The following MTX2 variants were observed in gnomAD, a reference collection of about 807,000 sequenced individuals.
The protein encoded by MTX2 is metaxin 2.
A neutral mutation model predicts 42.3 loss-of-function variants in MTX2; 35 were observed. The ratio of observed to expected loss-of-function variants is 0.83; its 90% CI spans 0.63 to 1.10. The LOEUF (loss-of-function observed/expected upper bound fraction) is 1.10. MTX2 is among the 50% of genes least tolerant of loss of function. MTX2 has a pLI of 0.00. For missense variants in MTX2, 307 were observed against 304.1 expected (o/e 1.01, Z -0.07); for synonymous variants, 119 against 100.9 (o/e 1.18, Z -1.08).
intron 3 of MTX2, among the ~76,000 whole-genome samples, chr2:176,307,722 G>GA (rs1684187824): frequency 6.6e-6 from 1 of 152,068 alleles, no homozygotes; most frequent in Admixed American, 6.6e-5. Flanking sequence ...TGGTGTATAG[G>GA]AATGCTTGTG....
intron 1 of MTX2, among the ~76,000 whole-genome samples, chr2:176,294,021 G>C (rs768484208): frequency 7.9e-5 from 12 of 152,068 alleles, no homozygotes; most frequent in Non-Finnish European, 1.6e-4. Flanking sequence ...TGGATGTTTT[G>C]GTAGAGTTAC....
intron 1 of MTX2, among the ~76,000 whole-genome samples, chr2:176,271,857 A>G (rs758500060): frequency 6.6e-6 from 1 of 152,186 alleles, no homozygotes; most frequent in African/African-American, 2.4e-5. Flanking sequence ...TGTTTTAAAT[A>G]TATGTCAAAT....
intron 4 of MTX2, among the ~76,000 whole-genome samples, chr2:176,324,280 A>AT (rs571984413): frequency 2.0e-5 from 3 of 149,724 alleles, no homozygotes; most frequent in Non-Finnish European, 3.0e-5. Flanking sequence ...CTTGTGTTAA[A>AT]TTTTTTTTTT....
At chr2:176,302,676 G>A (rs1056726968) in intron 3 of MTX2, among the ~76,000 whole-genome samples, 1 of 152,068 alleles carries the variant, frequency 6.6e-6, no homozygotes, top group Non-Finnish European at 1.5e-5. Context: ...GACCTCAAAT[G>A]ATCCACCCAT....
In MTX2 at chr2:176,299,191, T is replaced by C. The variant is rs116795721; in HGVS notation, c.135+1296T>C. On this transcript the variant is annotated intron_variant, in intron 3 of 9. Transcript: ENST00000249442. ...AAGGGTTGAGTGCTATTCTCATCCA[T>C]TGGGTAGATGCCAGAGATGCTGCTA... is the stretch of plus-strand genomic sequence containing the variant. Among the ~76,000 whole-genome samples the C allele has an allele frequency of 8.9e-3, 1,362 of 152,196 alleles. 19 individuals are homozygous for C. The highest frequency in any genetic ancestry group is 0.031 in the African/African-American group (1,278 of 41,536).
intron 3 of MTX2, among the ~76,000 whole-genome samples, chr2:176,320,376 A>G (rs972182211): frequency 3.3e-5 from 5 of 152,174 alleles, no homozygotes; most frequent in Non-Finnish European, 7.3e-5. Context: ...AAAATATACT[A>G]TATTTACTAT....
chr2:176,329,453 C>A, intron 8 of MTX2, 27 bp downstream of exon 8: 1 of 1,585,942 alleles, frequency 6.3e-7, no homozygotes, highest in Non-Finnish European at 8.6e-7. Flanking sequence ...GTTGACAAAA[C>A]CCTCAACTTT....
In MTX2 at chr2:176,269,474, G is replaced by C; in HGVS notation, c.-156G>C. 1 of 770,856 alleles carries C rather than the reference G, an allele frequency of 1.3e-6. No homozygotes were observed. Among genetic ancestry groups the C allele is most frequent in the Non-Finnish European group, 1.9e-6 (1 of 513,006 alleles). The allele number at this position is 770,856 out of a possible 1,614,324, so 47.8% of individuals were successfully genotyped here. On this transcript the variant is annotated 5_prime_UTR_variant, in exon 1 of 10. Transcript: ENST00000249442. The stretch of plus-strand genomic sequence containing the variant: ...GCCAGGCCTGGCGGTAACCTTGGGG[G>C]CCTCACTGCAGCCGCCGCTGCTGTT...
chr2:176,337,379 C>T, intron 9 of MTX2, 114 bp from the exon 10 acceptor site: 1 of 795,604 alleles, frequency 1.3e-6, no homozygotes, highest in Non-Finnish European at 1.9e-6. Flanking sequence ...TATTTTGGAT[C>T]TGAGGTTAGT....
chr2:176,271,732 G>A (rs1692814922), intron 1 of MTX2, among the ~76,000 whole-genome samples: 1 of 152,076 alleles, frequency 6.6e-6, no homozygotes, highest in African/African-American at 2.4e-5. Context: ...GACATTCTCT[G>A]GCCTGAAAAT....
At chr2:176,287,557 C>T (rs897725375) in intron 1 of MTX2, among the ~76,000 whole-genome samples, 12 of 152,096 alleles carry the variant, frequency 7.9e-5, no homozygotes, top group African/African-American at 2.9e-4. Context: ...CTTCTCGTGT[C>T]AGGAATTTTG....
chr2:176,287,105 T>C (rs935010952), intron 1 of MTX2, among the ~76,000 whole-genome samples: 2 of 152,198 alleles, frequency 1.3e-5, no homozygotes, highest in Non-Finnish European at 1.5e-5. Flanking sequence ...TTCAGTGTTT[T>C]TAACTTCAGA....
intron 3 of MTX2, among the ~76,000 whole-genome samples, chr2:176,311,953 G>A (rs1684321634): frequency 1.3e-5 from 2 of 152,174 alleles, no homozygotes; most frequent in Admixed American, 1.3e-4. Context: ...TACCTCAGCT[G>A]GAAATGCAGA....
At position 176,337,935 on chromosome 2, in the gene MTX2, A is replaced by G. The variant is rs545152352; in HGVS notation, c.*271A>G. 1.1e-3 allele frequency: 239 copies of G among 222,460 alleles called. No homozygotes were observed. Among genetic ancestry groups the G allele is most frequent in the African/African-American group, 4.9e-3 (218 of 44,212 alleles). The allele number at this position is 222,460 out of a possible 1,614,324, so 13.8% of individuals were successfully genotyped here. A position where few individuals can be genotyped will look rare whatever the true frequency, so the allele number is the denominator to read the frequency against. On this transcript the variant is annotated 3_prime_UTR_variant, in exon 10 of 10. Coordinates refer to ENST00000249442, the MANE Select transcript of MTX2 (RefSeq NM_006554.5). ...TTAAAAATAAAGCTTAAACAACTGTATGGATGTTACATTTACTTTCTTTTG... is the reference window on the plus strand; with the variant it reads ...TTAAAAATAAAGCTTAAACAACTGTGTGGATGTTACATTTACTTTCTTTTG...
At chr2:176,310,748 C>T (rs1049417422) in intron 3 of MTX2, among the ~76,000 whole-genome samples, 6 of 152,188 alleles carry the variant, frequency 3.9e-5, no homozygotes, top group African/African-American at 1.2e-4. Context: ...TCAGCTCTGT[C>T]AGGTCATTTA....
At chr2:176,325,498 A>G (rs1462805468) in intron 4 of MTX2, among the ~76,000 whole-genome samples, 2 of 151,716 alleles carry the variant, frequency 1.3e-5, no homozygotes, top group African/African-American at 2.4e-5. Context: ...TTTGCTTCAG[A>G]ATTGACAACG....
intron 1 of MTX2, among the ~76,000 whole-genome samples, chr2:176,294,565 G>A (rs1683806209): frequency 6.6e-6 from 1 of 152,190 alleles, no homozygotes; most frequent in Non-Finnish European, 1.5e-5. Context: ...GTGAGCCATG[G>A]CACCCAGCTG....
intron 1 of MTX2, among the ~76,000 whole-genome samples, chr2:176,287,093 A>T (rs1375553787): frequency 6.6e-6 from 1 of 152,178 alleles, no homozygotes; most frequent in African/African-American, 2.4e-5. Flanking sequence ...AATGAGGTAG[A>T]CTTCAGTGTT....
intron 3 of MTX2, among the ~76,000 whole-genome samples, chr2:176,307,251 T>C (rs1684174931): frequency 6.6e-6 from 1 of 152,210 alleles, no homozygotes; most frequent in South Asian, 2.1e-4. Context: ...GGCTCTGTTC[T>C]GTTCCATTGG....
Sources: allele counts gnomAD v4.1 joint callset (sites outside exome capture counted in the v4.1 genomes callset), GRCh38; gene constraint gnomAD v4.1.1; transcripts MANE v1.5; gene names NCBI Gene and HGNC (gene_info 2026-07-23, HGNC 2026-07-21).